The following WWOX variants were observed in gnomAD, a reference collection of about 807,000 sequenced individuals.
WWOX encodes the protein WW domain-containing oxidoreductase.
Under a neutral mutation model 46.2 loss-of-function variants are expected in WWOX, and 69 were observed. The observed-to-expected ratio is 1.49, with a 90% confidence interval of 1.23 to 1.82. The LOEUF (loss-of-function observed/expected upper bound fraction) is 1.82. WWOX is among the 40% of genes most tolerant of loss of function. WWOX has a pLI of 0.00. For synonymous variants in WWOX, 359 were observed against 202.6 expected (o/e 1.77, Z -6.56); for missense variants, 919 against 542.6 (o/e 1.69, Z -6.89).
At chr16:79,209,484 T>G (rs994499807) in intron 8 of WWOX, among the ~76,000 whole-genome samples, 1 of 152,210 alleles carries the variant, frequency 6.6e-6, no homozygotes, top group African/African-American at 2.4e-5. Flanking sequence ...GACGTTTGAA[T>G]GCTGAATAGT....
At chr16:79,036,600 C>T (rs926269515) in intron 8 of WWOX, among the ~76,000 whole-genome samples, 2 of 152,154 alleles carry the variant, frequency 1.3e-5, no homozygotes, top group African/African-American at 2.4e-5. Context: ...ATGATCTGTC[C>T]TTCTATGAAA....
chr16:78,910,171 A>G (rs2045071574), intron 8 of WWOX, among the ~76,000 whole-genome samples: 1 of 152,030 alleles, frequency 6.6e-6, no homozygotes, highest in South Asian at 2.1e-4. Context: ...CTTTTTGGTC[A>G]GGCATAGATA....
chr16:79,104,539 A>G (rs1033905417), intron 8 of WWOX, among the ~76,000 whole-genome samples: 13 of 152,344 alleles, frequency 8.5e-5, no homozygotes, highest in Admixed American at 3.3e-4. Context: ...TTAGTTGACA[A>G]CTTGACATCA....
chr16:78,153,204 A>T (rs1368262059), intron 4 of WWOX, among the ~76,000 whole-genome samples: 1 of 152,192 alleles, frequency 6.6e-6, no homozygotes, highest in Non-Finnish European at 1.5e-5. Context: ...AGAGGTATGG[A>T]TTAGCTAGTC....
intron 8 of WWOX, among the ~76,000 whole-genome samples, chr16:78,922,496 A>C (rs1171980602): frequency 1.3e-5 from 2 of 151,464 alleles, no homozygotes; most frequent in African/African-American, 4.9e-5. Context: ...CTCGTGCCTC[A>C]GCCTCCTGAG....
At chr16:79,062,463 G>A (rs2048372951) in intron 8 of WWOX, among the ~76,000 whole-genome samples, 1 of 152,150 alleles carries the variant, frequency 6.6e-6, no homozygotes, top group Non-Finnish European at 1.5e-5. Flanking sequence ...ACTTCCCGGT[G>A]CCGTGCGGTG....
At chr16:78,968,553 T>C (rs1051637805) in intron 8 of WWOX, among the ~76,000 whole-genome samples, 8 of 152,146 alleles carry the variant, frequency 5.3e-5, no homozygotes, top group Non-Finnish European at 7.3e-5. Context: ...TATAAGTTGG[T>C]TTCACATGTA....
intron 6 of WWOX, among the ~76,000 whole-genome samples, chr16:78,406,297 AATATAAATATAT>A (rs1567553226): frequency 1.2e-4 from 9 of 74,062 alleles, no homozygotes; most frequent in East Asian, 5.8e-4. Flanking sequence ...ACAGCATATA[AATATAAATATAT>A]ATATATATAT....
intron 5 of WWOX, among the ~76,000 whole-genome samples, chr16:78,245,772 C>A (rs981040090): frequency 6.6e-6 from 1 of 152,168 alleles, no homozygotes; most frequent in African/African-American, 2.4e-5. Flanking sequence ...TTAGTTCTTG[C>A]GGTACAGCGC....
In WWOX at chr16:78,109,801, G is replaced by T. The variant is rs764476113; in HGVS notation, c.196G>T (p.Glu66Ter). Residue 66 changes from glutamate (E) to a stop codon, truncating the protein, a stop_gained, in exon 3 of 9, where the codon GAA becomes TAA. Coordinates refer to ENST00000566780, the MANE Select transcript of WWOX (RefSeq NM_016373.4). LOFTEE classifies it high-confidence loss of function. Reference sequence around the variant, plus strand: ...AGATTTGCCATACGGATGGGAACAAGAAACTGATGAGAACGGACAAGTGTT... The same window carrying T: ...AGATTTGCCATACGGATGGGAACAATAAACTGATGAGAACGGACAAGTGTT... Reference protein sequence around the residue: ...AGDLPYGWEQETDENGQVFFV... With the variant: ...AGDLPYGWEQ 2.5e-6 allele frequency: 4 copies of T among 1,614,140 alleles called. No homozygotes were observed. Among genetic ancestry groups the T allele is most frequent in the Non-Finnish European group, 3.4e-6 (4 of 1,180,024 alleles).
intron 8 of WWOX, among the ~76,000 whole-genome samples, chr16:78,801,274 C>T (rs866568737): frequency 2.6e-4 from 40 of 152,116 alleles, no homozygotes; most frequent in Admixed American, 3.3e-4. Context: ...CTTTGGGAGG[C>T]CAACGCAGGT....
intron 5 of WWOX, among the ~76,000 whole-genome samples, chr16:78,220,741 G>A (rs1327837330): frequency 1.3e-5 from 2 of 152,178 alleles, no homozygotes; most frequent in Non-Finnish European, 2.9e-5. Context: ...AAGAATGAAA[G>A]GACCAGAATG....
intron 8 of WWOX, among the ~76,000 whole-genome samples, chr16:78,953,595 C>A (rs1218559315): frequency 6.6e-6 from 1 of 152,172 alleles, no homozygotes; most frequent in Non-Finnish European, 1.5e-5. Context: ...GTCCCCTCCA[C>A]TGTTGCCTCA....
chr16:78,276,819 T>C (rs2079587239), intron 5 of WWOX, among the ~76,000 whole-genome samples: 1 of 152,218 alleles, frequency 6.6e-6, no homozygotes, highest in African/African-American at 2.4e-5. Context: ...GAGGCTTTTA[T>C]GAACTGGGCC....
At chr16:78,400,583 C>G (rs1366244762) in intron 6 of WWOX, among the ~76,000 whole-genome samples, 1 of 152,102 alleles carries the variant, frequency 6.6e-6, no homozygotes, top group African/African-American at 2.4e-5. Context: ...CAACTTGGCC[C>G]ATGAATCCAG....
intron 8 of WWOX, among the ~76,000 whole-genome samples, chr16:79,012,680 T>G (rs1365968049): frequency 1.3e-5 from 2 of 152,158 alleles, no homozygotes; most frequent in Non-Finnish European, 2.9e-5. Context: ...CCAGGCAGAA[T>G]GAATAGTCTA....
intron 3 of WWOX, among the ~76,000 whole-genome samples, chr16:78,113,517 A>G (rs1307352820): frequency 6.6e-6 from 1 of 152,164 alleles, no homozygotes; most frequent in Admixed American, 6.5e-5. Flanking sequence ...GGTCTAATCT[A>G]GAGGAGTAAG....
chr16:78,379,585 G>A (rs1396586300), intron 5 of WWOX, among the ~76,000 whole-genome samples: 1 of 152,208 alleles, frequency 6.6e-6, no homozygotes, highest in Non-Finnish European at 1.5e-5. Context: ...TCTTTTGTTG[G>A]AGGTAAGTGG....
At chr16:78,731,880 CT>C (rs1299070624) in intron 8 of WWOX, among the ~76,000 whole-genome samples, 1 of 123,046 alleles carries the variant, frequency 8.1e-6, no homozygotes. Context: ...CAGGGTCTTG[CT>C]TTATAGCCCA....
Sources: gnomAD v4.1 joint callset for allele counts (sites outside exome capture counted in the v4.1 genomes callset) on GRCh38, gnomAD v4.1.1 for gene constraint, MANE v1.5 for transcripts, NCBI Gene and HGNC (gene_info 2026-07-23, HGNC 2026-07-21) for gene names.